Variants in UNC5D observed in about 807,000 individuals in gnomAD.
The protein encoded by UNC5D is netrin receptor UNC5D.
Under a neutral mutation model 105.4 loss-of-function variants are expected in UNC5D, and 39 were observed. That is an observed-to-expected ratio of 0.37 (90% CI 0.29 to 0.48). UNC5D has a LOEUF of 0.48. Among genes scored for constraint, UNC5D ranks in the 20% least tolerant of loss-of-function variants. The pLI is 0.98. For missense variants in UNC5D, 991 were observed against 1,202.4 expected, an observed-to-expected ratio of 0.82 and a Z score of 2.60; for synonymous variants, 452 against 450.4, an observed-to-expected ratio of 1.00 and a Z score of -0.04.
At chr8:35,421,703 A>G (rs1805916307) in intron 1 of UNC5D, among the ~76,000 whole-genome samples, 1 of 152,192 alleles carries the variant, frequency 6.6e-6, no homozygotes. Context: ...TTATGTACAT[A>G]TATATGTACT....
intron 1 of UNC5D, among the ~76,000 whole-genome samples, chr8:35,487,894 G>C (rs1810938086): frequency 6.6e-6 from 1 of 152,164 alleles, no homozygotes; most frequent in African/African-American, 2.4e-5. Flanking sequence ...CAAAGGACTT[G>C]ATTGACTTGT....
At chr8:35,780,216 T>C (rs1802441269) in intron 16 of UNC5D, among the ~76,000 whole-genome samples, 1 of 152,232 alleles carries the variant, frequency 6.6e-6, no homozygotes, top group Non-Finnish European at 1.5e-5. Flanking sequence ...GGTCTGCTAG[T>C]TAAAATGTTT....
chr8:35,392,258 T>A (rs1803823685), intron 1 of UNC5D, among the ~76,000 whole-genome samples: 1 of 152,178 alleles, frequency 6.6e-6, no homozygotes, highest in African/African-American at 2.4e-5. Flanking sequence ...CAGGCTGGAA[T>A]GCAGTGGCAC....
At chr8:35,567,381 A>C (rs1308684375) in intron 2 of UNC5D, among the ~76,000 whole-genome samples, 2 of 152,208 alleles carry the variant, frequency 1.3e-5, no homozygotes, top group South Asian at 4.1e-4. Context: ...GTGGCTGGGC[A>C]CGGTGGCTTA....
At chr8:35,653,412 A>G (rs964689963) in intron 4 of UNC5D, among the ~76,000 whole-genome samples, 21 of 152,216 alleles carry the variant, frequency 1.4e-4, no homozygotes, top group African/African-American at 4.3e-4. Context: ...TGGGCTACCA[A>G]AAAGTCATCT....
chr8:35,299,408 G>C (rs1807750523), intron 1 of UNC5D, among the ~76,000 whole-genome samples: 2 of 152,202 alleles, frequency 1.3e-5, no homozygotes, highest in African/African-American at 4.8e-5. Flanking sequence ...GTGAGGAACT[G>C]TCGTCATCCT....
intron 4 of UNC5D, among the ~76,000 whole-genome samples, chr8:35,670,338 A>T (rs1277920336): frequency 6.6e-6 from 1 of 152,168 alleles, no homozygotes; most frequent in Non-Finnish European, 1.5e-5. Flanking sequence ...ATGAAGGGAA[A>T]AGAGGGATTT....
At chr8:35,277,987 C>T (rs1396419478) in intron 1 of UNC5D, among the ~76,000 whole-genome samples, 3 of 152,134 alleles carry the variant, frequency 2.0e-5, no homozygotes, top group African/African-American at 7.2e-5. Context: ...ACTCAGTACC[C>T]GAGGCTGCCA....
At position 35,793,871 on chromosome 8, in the gene UNC5D, T is replaced by C. The variant is rs960860769; in HGVS notation, c.*3308T>C. 6.6e-6 allele frequency: 1 copy of C among 152,212 alleles called. No individual in the cohort carries two copies. The highest frequency in any genetic ancestry group is 1.5e-5 in the Non-Finnish European group (1 of 68,026). 9.4% of individuals were successfully genotyped at this position (152,212 alleles called of 1,614,324 possible). ...TTTAAAGAGAAGAACTTTTTTATTA[T>C]TATTTTTATCTCCAACTGCAGGTGG... is the stretch of plus-strand genomic sequence containing the variant. On this transcript the variant is annotated 3_prime_UTR_variant, in exon 17 of 17. Transcript: ENST00000404895.
intron 7 of UNC5D, among the ~76,000 whole-genome samples, chr8:35,703,313 TATC>T (rs1827334636): frequency 6.6e-6 from 1 of 152,194 alleles, no homozygotes; most frequent in Non-Finnish European, 1.5e-5. Context: ...GATTTCCAGT[TATC>T]ATGCTTAATC....
intron 1 of UNC5D, among the ~76,000 whole-genome samples, chr8:35,324,455 T>A (rs926237966): frequency 6.6e-6 from 1 of 151,966 alleles, no homozygotes; most frequent in Non-Finnish European, 1.5e-5. Context: ...TTTTGAGTAT[T>A]TAAAATAGGT....
intron 4 of UNC5D, among the ~76,000 whole-genome samples, chr8:35,614,781 C>T (rs533066003): frequency 1.3e-5 from 2 of 152,202 alleles, no homozygotes; most frequent in South Asian, 2.1e-4. Context: ...ACTTTTGACA[C>T]GTCTTTAGCT....
Position 35,753,270 on chromosome 8 carries a change from C to CT in UNC5D, c.2163+2470dup, listed in dbSNP as rs56967992. 1.7e-3 allele frequency among the ~76,000 whole-genome samples: 254 copies of CT among 151,392 alleles called. 1 individual carries two copies. Among genetic ancestry groups the CT allele is most frequent in the Middle Eastern group, 3.4e-3 (1 of 290 alleles). ...TGTATTTCATCATTGAGAGATATTT[C>CT]TTTTTTTTTGTTTTTTGAGATGGAG... On this transcript the variant is annotated intron_variant, in intron 13 of 16. Coordinates refer to ENST00000404895, the MANE Select transcript of UNC5D (RefSeq NM_080872.4).
chr8:35,679,310 G>T (rs908083832), intron 4 of UNC5D, among the ~76,000 whole-genome samples: 1 of 152,098 alleles, frequency 6.6e-6, no homozygotes. Flanking sequence ...AAGCAGGAAG[G>T]GGTGGGGTTT....
At chr8:35,577,633 A>C (rs1818180593) in intron 3 of UNC5D, among the ~76,000 whole-genome samples, 1 of 152,254 alleles carries the variant, frequency 6.6e-6, no homozygotes, top group Non-Finnish European at 1.5e-5. Context: ...TATTGTAAAG[A>C]CATCTGTGAA....
chr8:35,620,283 C>T (rs187685676), intron 4 of UNC5D, among the ~76,000 whole-genome samples: 4 of 152,284 alleles, frequency 2.6e-5, no homozygotes, highest in Non-Finnish European at 4.4e-5. Context: ...TCCGGCTTCT[C>T]GGGCTGTACC....
At chr8:35,780,365 CA>C (rs1159321445) in intron 16 of UNC5D, among the ~76,000 whole-genome samples, 4 of 152,162 alleles carry the variant, frequency 2.6e-5, no homozygotes, top group Non-Finnish European at 4.4e-5. Flanking sequence ...TAATGAGAAA[CA>C]GAATCTTCTC....
intron 1 of UNC5D, among the ~76,000 whole-genome samples, chr8:35,471,211 A>G (rs754747150): frequency 6.6e-6 from 1 of 152,116 alleles, no homozygotes; most frequent in Non-Finnish European, 1.5e-5. Context: ...CAACCTTTTC[A>G]TCTCACATTT....
chr8:35,703,808 T>C (rs1827363147), intron 7 of UNC5D, among the ~76,000 whole-genome samples: 2 of 152,236 alleles, frequency 1.3e-5, no homozygotes, highest in South Asian at 4.1e-4. Flanking sequence ...AGTGTAGTTG[T>C]AGCAATGTAT....
Sources: allele counts gnomAD v4.1 joint callset (sites outside exome capture counted in the v4.1 genomes callset), GRCh38; gene constraint gnomAD v4.1.1; transcripts MANE v1.5; gene names NCBI Gene and HGNC (gene_info 2026-07-23, HGNC 2026-07-21).